The following INSR variants were observed in gnomAD, a reference collection of about 807,000 sequenced individuals.
INSR encodes IR.
Under a neutral mutation model 142.6 loss-of-function variants are expected in INSR, and 67 were observed. The observed-to-expected ratio is 0.47, with a 90% confidence interval of 0.39 to 0.58. INSR has a LOEUF of 0.58. INSR is among the 20% of genes least tolerant of loss of function. The pLI, the probability that INSR is intolerant of heterozygous loss-of-function variation, is 0.00. For missense variants in INSR, 1,248 were observed against 1,833.2 expected, an observed-to-expected ratio of 0.68 and a Z score of 5.83; for synonymous variants, 756 against 743.1, an observed-to-expected ratio of 1.02 and a Z score of -0.28.
Position 7,184,454 on chromosome 19 carries a change from C to T in INSR, c.836G>A (p.Arg279His), listed in dbSNP as rs1329693158. The T allele has an allele frequency of 1.9e-6, 3 of 1,614,026 alleles. No individual in the cohort carries two copies. Among genetic ancestry groups the T allele is most frequent in the Admixed American group, 1.7e-5 (1 of 59,990 alleles). The change falls in exon 3 of 22, where the codon CGC becomes CAC. Residue 279 changes from arginine to histidine, a missense_variant. Physicochemically the swap from Arg to His is conservative, Grantham distance 29. This residue lies in a region of INSR where 1,069 missense variants were observed against 1,654.0 expected (regional missense o/e 0.65). Coordinates refer to ENST00000302850, the MANE Select transcript of INSR (RefSeq NM_000208.4). ...CTGGCAGAAGCTGAAGTTCACACAG[C>T]GCCAGTCCTGGAAGTGGTAGTACGG... ...PPPYYHFQDW[R>H]CVNFSFCQDL...
rs1474786509 is a variant in INSR, at chr19:7,150,155, C to T, written c.2267+342G>A. ...CCGCGGGGAGCTCAGACTCCGGGGA[C>T]CCCCACCCACCTCTGCAAATGCACG... is the stretch of plus-strand genomic sequence containing the variant. On this transcript the variant is annotated intron_variant, in intron 11 of 21. Transcript: ENST00000302850. This position sits in a 1 kb window ranked among gnomAD's most constrained non-coding sequence, Gnocchi z 4.2. Among the ~76,000 whole-genome samples the T allele has an allele frequency of 2.0e-5, 3 of 152,048 alleles. No individual in the cohort carries two copies. Among genetic ancestry groups the T allele is most frequent in the Admixed American group, 6.5e-5 (1 of 15,270 alleles).
chr19:7,220,737 C>T (rs1233057784), intron 2 of INSR, among the ~76,000 whole-genome samples: 1 of 152,092 alleles, frequency 6.6e-6, no homozygotes, highest in Admixed American at 6.6e-5. Context: ...AGCACAGGGT[C>T]TAGTATTTGG....
At chr19:7,280,933 AG>A (rs771156818) in intron 1 of INSR, among the ~76,000 whole-genome samples, 173 of 152,154 alleles carry the variant, frequency 1.1e-3, no homozygotes, top group Admixed American at 2.9e-3. Context: ...GAGGGGCTCC[AG>A]GGGGCACAGT....
intron 2 of INSR, among the ~76,000 whole-genome samples, chr19:7,215,905 C>G (rs1440202871): frequency 6.6e-6 from 1 of 151,948 alleles, no homozygotes; most frequent in African/African-American, 2.4e-5. Flanking sequence ...TTCATTTCTG[C>G]TTCCTTCTGC....
Position 7,119,348 on chromosome 19 carries a change from G to T in INSR, c.3794+101C>A, listed in dbSNP as rs544640399. ...CTGTAACATACAGCATGCAAACACGGTGAGCGTGTAGACATAGGAAAGGCA... is the reference window on the plus strand; with the variant it reads ...CTGTAACATACAGCATGCAAACACGTTGAGCGTGTAGACATAGGAAAGGCA... On this transcript the variant is annotated intron_variant, in intron 21 of 21. Transcript: ENST00000302850. The surrounding 1 kb of genome is among the most constrained non-coding windows in gnomAD (Gnocchi z 5.2). The T allele has an allele frequency of 1.5e-6, 2 of 1,314,410 alleles. No individual in the cohort carries two copies. The highest frequency in any genetic ancestry group is 2.4e-5 in the South Asian group (2 of 84,494). The allele number at this position is 1,314,410 out of a possible 1,614,324, so 81.4% of individuals were successfully genotyped here.
Position 7,119,420 on chromosome 19 carries a change from C to T in INSR, c.3794+29G>A. On this transcript the variant is annotated intron_variant, in intron 21 of 21. Transcript: ENST00000302850. The surrounding 1 kb of genome is among the most constrained non-coding windows in gnomAD (Gnocchi z 5.2). Reference sequence around the variant, plus strand: ...GGCAATACCCTTTCAACGAACACCTCACACACCTTAAACCCTTTCTACACT... The same window carrying T: ...GGCAATACCCTTTCAACGAACACCTTACACACCTTAAACCCTTTCTACACT... 6.2e-7 allele frequency: 1 copy of T among 1,614,022 alleles called. No homozygotes were observed. The highest frequency in any genetic ancestry group is 8.5e-7 in the Non-Finnish European group (1 of 1,179,890).
At chr19:7,153,358 C>A (rs1973485117) in intron 9 of INSR, among the ~76,000 whole-genome samples, 2 of 94,292 alleles carry the variant, frequency 2.1e-5, no homozygotes, top group African/African-American at 6.2e-5. Context: ...AGACCACACA[C>A]CACACACCCC....
chr19:7,234,404 C>T lies in INSR; in HGVS notation c.652+32941G>A, dbSNP rs545985123. ...AAATTTTTTGTAGAGATGGGGGTCT[C>T]GCCATGTTGCCCAGGCTGGTCTTGA... On this transcript the variant is annotated intron_variant, in intron 2 of 21. Transcript: ENST00000302850. Among the ~76,000 whole-genome samples, 5 of 152,134 alleles carry T rather than the reference C, an allele frequency of 3.3e-5. No homozygotes were observed. The South Asian group carries it at 8.3e-4, about 25-fold the overall frequency.
In INSR at chr19:7,170,570, T is replaced by C. The variant is rs1431273614; in HGVS notation, c.1450A>G (p.Ile484Val). The change falls in exon 6 of 22, where the codon ATT becomes GTT. Residue 484 changes from isoleucine to valine, a missense_variant. By Grantham distance (29) the Ile-to-Val change is conservative. This residue lies in a region of INSR where 1,069 missense variants were observed against 1,654.0 expected (regional missense o/e 0.65). Transcript: ENST00000302850. ...TGGTCCCCATTGGTCTTCAGGGCAA[T>C]GTCGTTTCTCTCCTGGCGCCCCTTG... is the stretch of plus-strand genomic sequence containing the variant. ...GTKGRQERND[I>V]ALKTNGDQAS... is the part of the protein sequence containing the mutation. 6.2e-7 allele frequency: 1 copy of C among 1,613,300 alleles called. No individual in the cohort carries two copies. Among genetic ancestry groups the C allele is most frequent in the Admixed American group, 1.7e-5 (1 of 59,952 alleles).
intron 7 of INSR, among the ~76,000 whole-genome samples, chr19:7,167,210 T>C (rs372768441): frequency 4.5e-4 from 69 of 152,276 alleles, no homozygotes; most frequent in South Asian, 2.5e-3. Flanking sequence ...CCTCACAAGT[T>C]ACTGATAAGA....
chr19:7,227,756 G>C (rs374246652), intron 2 of INSR, among the ~76,000 whole-genome samples: 2 of 152,148 alleles, frequency 1.3e-5, no homozygotes, highest in African/African-American at 4.8e-5. Context: ...GTTATGGATC[G>C]GAAAGGCAGC....
intron 13 of INSR, among the ~76,000 whole-genome samples, chr19:7,139,615 A>G (rs145572081): frequency 7.9e-5 from 12 of 152,276 alleles, no homozygotes; most frequent in Middle Eastern, 6.8e-3. Context: ...TTAAAAATGA[A>G]TATTAAAAAA....
At chr19:7,214,170 A>T (rs1194788361) in intron 2 of INSR, among the ~76,000 whole-genome samples, 1 of 152,158 alleles carries the variant, frequency 6.6e-6, no homozygotes, top group African/African-American at 2.4e-5. Context: ...TGAAGGGGGA[A>T]ATTCCATTTA....
In INSR at chr19:7,125,223, G is replaced by A; in HGVS notation, c.3258+60C>T. The A allele has an allele frequency of 2.5e-6, 4 of 1,606,134 alleles. No individual in the cohort carries two copies. The highest frequency in any genetic ancestry group is 2.2e-5 in the East Asian group (1 of 44,838). On this transcript the variant is annotated intron_variant, in intron 17 of 21. Coordinates refer to ENST00000302850, the MANE Select transcript of INSR (RefSeq NM_000208.4). This position sits in a 1 kb window ranked among gnomAD's most constrained non-coding sequence, Gnocchi z 4.9. Reference sequence around the variant, plus strand: ...CCTCTGTCGCTCTGTGCAGGAGGAGGAGGCAGAGAAAGGGAAGGGTCAGGA... The same window carrying A: ...CCTCTGTCGCTCTGTGCAGGAGGAGAAGGCAGAGAAAGGGAAGGGTCAGGA...
intron 9 of INSR, among the ~76,000 whole-genome samples, chr19:7,156,508 G>C (rs1037614042): frequency 6.6e-6 from 1 of 152,100 alleles, no homozygotes; most frequent in South Asian, 2.1e-4. Flanking sequence ...CCTGGCTGGG[G>C]CGTCCTCCTG....
intron 2 of INSR, among the ~76,000 whole-genome samples, chr19:7,232,809 C>CA (rs575896195): frequency 8.8e-4 from 122 of 139,280 alleles, no homozygotes; most frequent in Middle Eastern, 3.7e-3. Flanking sequence ...GACTCCGTCT[C>CA]AAAAAAAAAA....
chr19:7,161,173 A>G (rs1398636573), intron 9 of INSR, among the ~76,000 whole-genome samples: 2 of 149,632 alleles, frequency 1.3e-5, no homozygotes, highest in East Asian at 3.9e-4. Flanking sequence ...ATAATTATTT[A>G]TAAATTTTAT....
chr19:7,126,016 C>T (rs1363581278), intron 16 of INSR, among the ~76,000 whole-genome samples: 3 of 152,130 alleles, frequency 2.0e-5, no homozygotes, highest in African/African-American at 7.2e-5. Context: ...TGGGAATCAA[C>T]AAGAATTGTC....
At chr19:7,263,583 T>G (rs528822244) in intron 2 of INSR, among the ~76,000 whole-genome samples, 34 of 152,176 alleles carry the variant, frequency 2.2e-4, no homozygotes, top group Non-Finnish European at 4.9e-4. Flanking sequence ...TTCATTTTTG[T>G]TTTTGTTTTC....
Sources: gnomAD v4.1 joint callset for allele counts (sites outside exome capture counted in the v4.1 genomes callset) on GRCh38, gnomAD v4.1.1 for gene constraint, gnomAD v4.1.1 regional missense constraint, Gnocchi (gnomAD v3.1) non-coding constraint, MANE v1.5 for transcripts, NCBI Gene and HGNC (gene_info 2026-07-23, HGNC 2026-07-21) for gene names.